Variants in ANPEP observed in about 807,000 individuals in gnomAD.
ANPEP encodes alanyl aminopeptidase, membrane.
In ANPEP, 70 loss-of-function variants were observed where a neutral mutation model predicts 114.6. The observed-to-expected ratio is 0.61, with a 90% CI of 0.50 to 0.75. The LOEUF (loss-of-function observed/expected upper bound fraction) is 0.75. Ranked by LOEUF, ANPEP falls within the 30% of genes least tolerant of loss-of-function variation. The pLI is 0.00. For missense variants in ANPEP, 1,184 were observed against 1,259.5 expected (o/e 0.94, Z 0.91); for synonymous variants, 548 against 522.3 (o/e 1.05, Z -0.67).
chr15:89,789,125 A>AC (rs1264132038), intron 20 of ANPEP, among the ~76,000 whole-genome samples: 7 of 151,088 alleles, frequency 4.6e-5, no homozygotes, highest in South Asian at 2.1e-4. Flanking sequence ...GACTACAGGC[A>AC]CCCCCCACCA....
intron 1 of ANPEP, chr15:89,807,033 G>T (rs1894730284): frequency 6.0e-6 from 1 of 166,800 alleles, no homozygotes; most frequent in Non-Finnish European, 1.3e-5. Context: ...ACAGAGAAGG[G>T]GTTCCCGGCT....
intron 20 of ANPEP, among the ~76,000 whole-genome samples, chr15:89,789,237 C>T (rs1227725946): frequency 1.3e-5 from 2 of 151,886 alleles, no homozygotes; most frequent in African/African-American, 4.8e-5. Flanking sequence ...ACCTTAGCCT[C>T]CTAAAGTGCT....
intron 10 of ANPEP, among the ~76,000 whole-genome samples, chr15:89,802,251 T>G (rs1596167287): frequency 2.8e-5 from 4 of 144,546 alleles, no homozygotes; most frequent in Non-Finnish European, 3.0e-5. Context: ...GAAAGAGGAG[T>G]GAGAGGGAGG....
intron 6 of ANPEP, 78 bp from the exon 7 acceptor site, chr15:89,804,080 C>T (rs1475829566): frequency 6.4e-7 from 1 of 1,567,430 alleles, no homozygotes; most frequent in Non-Finnish European, 8.8e-7. Context: ...CTCCCCAGGG[C>T]TGGCCATCTG....
chr15:89,787,062 T>C (rs1778480112), intron 20 of ANPEP, among the ~76,000 whole-genome samples: 1 of 143,976 alleles, frequency 6.9e-6, no homozygotes, highest in Admixed American at 6.8e-5. Flanking sequence ...TTTTTTTTTT[T>C]TGAGGCAGAG....
chr15:89,812,507 A>T (rs1369559374), intron 1 of ANPEP, among the ~76,000 whole-genome samples: 1 of 152,132 alleles, frequency 6.6e-6, no homozygotes, highest in Non-Finnish European at 1.5e-5. Context: ...CCCCAATGGG[A>T]AGTTGCCTCT....
chr15:89,792,329 T>C lies in ANPEP; in HGVS notation c.2361-2A>G, dbSNP rs751188045. 3.1e-6 allele frequency: 5 copies of C among 1,613,964 alleles called. No individual in the cohort carries two copies. In the East Asian group the frequency reaches 1.1e-4, roughly 36 times the overall value. The stretch of plus-strand genomic sequence containing the variant: ...GTGGACCGCAGGTTGGGGTGGATCC[T>C]GGTGTGGGGTAGGGAGGTCAGGTGT... On this transcript the variant is annotated splice_acceptor_variant, in intron 17 of 20. Transcript: ENST00000300060. LOFTEE classifies it high-confidence loss of function.
At chr15:89,797,545 G>C in intron 15 of ANPEP, 30 bp downstream of exon 15, 1 of 1,597,166 alleles carries the variant, frequency 6.3e-7, no homozygotes, top group Non-Finnish European at 8.5e-7. Context: ...GGGCGAACTG[G>C]TTCTTGAACC....
At chr15:89,786,813 G>T (rs1469412121) in intron 20 of ANPEP, among the ~76,000 whole-genome samples, 1 of 151,956 alleles carries the variant, frequency 6.6e-6, no homozygotes, top group African/African-American at 2.4e-5. Flanking sequence ...GAATGAAATA[G>T]AATTGAGAAT....
At position 89,792,510 on chromosome 15, in the gene ANPEP, ACT is replaced by A. The variant is rs1368105100; in HGVS notation, c.2300_2301del (p.Glu767ValfsTer2). 6.2e-7 allele frequency: 1 copy of A among 1,613,726 alleles called. No homozygotes were observed. The highest frequency in any genetic ancestry group is 8.5e-7 in the Non-Finnish European group (1 of 1,179,972). On this transcript the variant is annotated frameshift_variant, in exon 17 of 21. Transcript: ENST00000300060. LOFTEE classifies it high-confidence loss of function. ...ISTACSNGVPECEEMVSGLFK... is the reference protein window; with the variant it reads ...ISTACSNGVPXCEEMVSGLFK... ...AAAAGGCCAGAGACCATCTCCTCAC[ACT>A]CTGGAACTCCGTTGGAGCAGGCGGT...
At chr15:89,808,671 G>C (rs1224806800) in intron 1 of ANPEP, among the ~76,000 whole-genome samples, 1 of 152,134 alleles carries the variant, frequency 6.6e-6, no homozygotes, top group Non-Finnish European at 1.5e-5. Flanking sequence ...TGGCAGGCAG[G>C]CCGGACTCGT....
chr15:89,793,799 C>T (rs1245132487), intron 15 of ANPEP, among the ~76,000 whole-genome samples: 1 of 151,978 alleles, frequency 6.6e-6, no homozygotes, highest in South Asian at 2.1e-4. Context: ...CAGGAGCTCA[C>T]CAAAACTACA....
At chr15:89,786,386 CTTTT>C (rs57614547) in intron 20 of ANPEP, among the ~76,000 whole-genome samples, 2 of 130,550 alleles carry the variant, frequency 1.5e-5, no homozygotes. Context: ...ATTTTAACTA[CTTTT>C]TTTTTTTTTT....
At chr15:89,807,614 T>C (rs1350017008) in intron 1 of ANPEP, among the ~76,000 whole-genome samples, 1 of 152,114 alleles carries the variant, frequency 6.6e-6, no homozygotes, top group Non-Finnish European at 1.5e-5. Flanking sequence ...AGGCAGAGAA[T>C]TGCTTGAATC....
rs369616479 is a variant in ANPEP, at chr15:89,792,302, C to T, written c.2386G>A (p.Val796Ile). 115 of 1,614,184 alleles carry T rather than the reference C, an allele frequency of 7.1e-5. No homozygotes were observed. Among genetic ancestry groups the T allele is most frequent in the African/African-American group, 3.9e-4 (29 of 75,056 alleles). The change falls in exon 18 of 21, where the codon GTC becomes ATC. Residue 796 changes from valine to isoleucine, a missense_variant. Transcript: ENST00000300060. ...NPIHPNLRST[V>I]YCNAIAQGGE... Reference sequence around the variant, plus strand: ...CCCTGGGCGATAGCGTTGCAGTAGACGGTGGACCGCAGGTTGGGGTGGATC... The same window carrying T: ...CCCTGGGCGATAGCGTTGCAGTAGATGGTGGACCGCAGGTTGGGGTGGATC...
chr15:89,804,911 T>C (rs1894677345), intron 4 of ANPEP, 167 bp downstream of exon 4: 4 of 1,028,796 alleles, frequency 3.9e-6, no homozygotes, highest in African/African-American at 1.6e-5. Flanking sequence ...ATTTTTCAGG[T>C]GCAGAAATGG....
chr15:89,800,406 T>C (rs548950782), intron 12 of ANPEP, among the ~76,000 whole-genome samples: 3 of 152,158 alleles, frequency 2.0e-5, no homozygotes, highest in African/African-American at 4.8e-5. Flanking sequence ...AGCACTAGAA[T>C]GCCTCCAACT....
At position 89,805,211 on chromosome 15, in the gene ANPEP, C is replaced by T. The variant is rs1463301197; in HGVS notation, c.764G>A (p.Ser255Asn). Reference sequence around the variant, plus strand: ...GTTGGGGTCTTCTGGAAGTGGGGTGCTGGGACCTGGGCAGGGAGCATGTGT... The same window carrying T: ...GTTGGGGTCTTCTGGAAGTGGGGTGTTGGGACCTGGGCAGGGAGCATGTGT... ...ALSNMLPKGP[S>N]TPLPEDPNWN... is the part of the protein sequence containing the mutation. Residue 255 changes from serine (S) to asparagine (N), a missense_variant, in exon 4 of 21, where the codon AGC becomes AAC. By Grantham distance (46) the Ser-to-Asn change is conservative. Coordinates refer to ENST00000300060, the MANE Select transcript of ANPEP (RefSeq NM_001150.3). The T allele has an allele frequency of 6.2e-7, 1 of 1,614,212 alleles. No homozygotes were observed.
chr15:89,804,911 T>A, intron 4 of ANPEP, 167 bp downstream of exon 4: 1 of 1,028,914 alleles, frequency 9.7e-7, no homozygotes, highest in Non-Finnish European at 1.4e-6. Flanking sequence ...ATTTTTCAGG[T>A]GCAGAAATGG....
Sources: gnomAD v4.1 joint callset for allele counts (sites outside exome capture counted in the v4.1 genomes callset) on GRCh38, gnomAD v4.1.1 for gene constraint, MANE v1.5 for transcripts, NCBI Gene and HGNC (gene_info 2026-07-23, HGNC 2026-07-21) for gene names.